The following VPS13B variants were observed in gnomAD, a reference collection of about 807,000 sequenced individuals.
VPS13B encodes intermembrane lipid transfer protein VPS13B.
A neutral mutation model predicts 426.4 loss-of-function variants in VPS13B; 285 were observed. That is an observed-to-expected ratio of 0.67 (90% confidence interval 0.61 to 0.74). The LOEUF (loss-of-function observed/expected upper bound fraction) is 0.74, where lower values mean the gene tolerates loss of function less well. VPS13B is among the 30% of genes least tolerant of loss of function. VPS13B has a pLI of 0.00. For synonymous variants in VPS13B, 1,676 were observed against 1,676.4 expected (o/e 1.00, Z 0.01); for missense variants, 4,537 against 4,782.6 (o/e 0.95, Z 1.51).
At chr8:99,514,733 C>G (rs1020380645) in intron 29 of VPS13B, among the ~76,000 whole-genome samples, 3 of 152,116 alleles carry the variant, frequency 2.0e-5, no homozygotes, top group African/African-American at 7.2e-5. Context: ...GTGAGTAATG[C>G]TGCTATGAAC....
intron 37 of VPS13B, 29 bp downstream of exon 37, chr8:99,717,402 A>T (rs760803351): frequency 1.3e-6 from 2 of 1,587,044 alleles, no homozygotes; most frequent in Non-Finnish European, 1.7e-6. Context: ...TATTTTTTTC[A>T]TAGGTTATTA....
At chr8:99,225,686 T>C (rs931721886) in intron 17 of VPS13B, among the ~76,000 whole-genome samples, 1 of 152,232 alleles carries the variant, frequency 6.6e-6, no homozygotes, top group Non-Finnish European at 1.5e-5. Context: ...CTTCCTGGGC[T>C]CTACTTTGTG....
intron 3 of VPS13B, among the ~76,000 whole-genome samples, chr8:99,061,188 G>A (rs1442259480): frequency 6.6e-6 from 1 of 151,798 alleles, no homozygotes; most frequent in Non-Finnish European, 1.5e-5. Context: ...CATTTTTTTG[G>A]CATGTTTTTG....
chr8:99,549,136 C>T (rs757574622), intron 30 of VPS13B, among the ~76,000 whole-genome samples: 19 of 152,122 alleles, frequency 1.2e-4, no homozygotes, highest in South Asian at 6.2e-4. Context: ...ATTTTTATTT[C>T]GCCTAAATTT....
chr8:99,624,877 G>T (rs916919662), intron 33 of VPS13B, among the ~76,000 whole-genome samples: 2 of 151,184 alleles, frequency 1.3e-5, no homozygotes, highest in African/African-American at 4.9e-5. Context: ...GGGTGCAATG[G>T]CACAATCTCA....
At chr8:99,348,418 T>C (rs1442139127) in intron 19 of VPS13B, among the ~76,000 whole-genome samples, 2 of 152,254 alleles carry the variant, frequency 1.3e-5, no homozygotes, top group African/African-American at 2.4e-5. Context: ...TTTGTGATTA[T>C]AGATGAAATC....
intron 33 of VPS13B, among the ~76,000 whole-genome samples, chr8:99,637,259 A>G (rs1829109713): frequency 2.0e-5 from 3 of 152,174 alleles, no homozygotes; most frequent in East Asian, 3.9e-4. Flanking sequence ...TCAATATAGT[A>G]AATCTGCAGT....
chr8:99,396,624 T>G (rs1385899200), intron 21 of VPS13B, among the ~76,000 whole-genome samples: 1 of 151,448 alleles, frequency 6.6e-6, no homozygotes, highest in Non-Finnish European at 1.5e-5. Context: ...AACTTCAGTG[T>G]GTTTTTTTTT....
At chr8:99,775,549 C>A (rs1233554364) in intron 40 of VPS13B, among the ~76,000 whole-genome samples, 1 of 152,194 alleles carries the variant, frequency 6.6e-6, no homozygotes, top group East Asian at 1.9e-4. Context: ...CAGCAGCCAC[C>A]ATGTGCAGAC....
chr8:99,115,280 A>G (rs762681548), intron 6 of VPS13B, among the ~76,000 whole-genome samples: 37 of 152,066 alleles, frequency 2.4e-4, no homozygotes, highest in Admixed American at 8.5e-4. Context: ...GAATGATTAG[A>G]GTTTCACTAA....
At chr8:99,646,018 T>C (rs562091148) in intron 34 of VPS13B, among the ~76,000 whole-genome samples, 10 of 152,120 alleles carry the variant, frequency 6.6e-5, no homozygotes, top group Middle Eastern at 3.4e-3. Context: ...GAGCAGTAAG[T>C]TGGGGGTGGC....
chr8:99,176,567 C>T (rs75764476), intron 16 of VPS13B, among the ~76,000 whole-genome samples: 154 of 152,312 alleles, frequency 1.0e-3, no homozygotes, highest in Middle Eastern at 3.4e-3. Flanking sequence ...TTGAATTCTG[C>T]AGCTTCAGTT....
intron 35 of VPS13B, among the ~76,000 whole-genome samples, chr8:99,686,746 A>G (rs1831424113): frequency 6.6e-6 from 1 of 151,844 alleles, no homozygotes; most frequent in Non-Finnish European, 1.5e-5. Flanking sequence ...GACTCTCCTC[A>G]AGGCAATGAG....
intron 39 of VPS13B, among the ~76,000 whole-genome samples, chr8:99,757,633 G>T (rs555793530): frequency 1.3e-5 from 2 of 152,218 alleles, no homozygotes; most frequent in East Asian, 3.9e-4. Context: ...AATATTCTTT[G>T]TACCAAAAAT....
At chr8:99,693,893 A>G (rs1345345795) in intron 35 of VPS13B, among the ~76,000 whole-genome samples, 1 of 142,796 alleles carries the variant, frequency 7.0e-6, no homozygotes, top group Non-Finnish European at 1.5e-5. Flanking sequence ...GCATTCTTAT[A>G]CACCAACAAC....
chr8:99,324,767 A>G (rs1810153646), intron 19 of VPS13B, among the ~76,000 whole-genome samples: 1 of 152,206 alleles, frequency 6.6e-6, no homozygotes, highest in South Asian at 2.1e-4. Flanking sequence ...TGTATTCTAA[A>G]GAAAAGAACC....
At chr8:99,856,954 G>C (rs571796691) in intron 56 of VPS13B, among the ~76,000 whole-genome samples, 265 of 152,322 alleles carry the variant, frequency 1.7e-3, no homozygotes, top group African/African-American at 6.0e-3. Context: ...CCTATCTGAA[G>C]GAAAGCATGT....
At chr8:99,443,501 G>C (rs972918712) in intron 23 of VPS13B, among the ~76,000 whole-genome samples, 31 of 152,192 alleles carry the variant, frequency 2.0e-4, no homozygotes, top group African/African-American at 7.2e-4. Flanking sequence ...TTCACTGAGA[G>C]ACATTTTTGG....
chr8:99,170,233 G>A (rs1812248734), intron 16 of VPS13B, 70 bp downstream of exon 16: 11 of 1,559,346 alleles, frequency 7.1e-6, no homozygotes, highest in South Asian at 5.6e-5. Flanking sequence ...ACCCCCAAAT[G>A]TATCTGTCTT....
Sources: allele counts gnomAD v4.1 joint callset (sites outside exome capture counted in the v4.1 genomes callset), GRCh38; gene constraint gnomAD v4.1.1; transcripts MANE v1.5; gene names NCBI Gene and HGNC (gene_info 2026-07-23, HGNC 2026-07-21).